SLC24A2: variants seen among roughly 807,000 people sequenced by gnomAD.
SLC24A2 encodes the protein sodium/potassium/calcium exchanger 2.
Under a neutral mutation model 62.0 loss-of-function variants are expected in SLC24A2, and 36 were observed. The ratio of observed to expected loss-of-function variants is 0.58; its 90% CI spans 0.44 to 0.77. SLC24A2 has a LOEUF of 0.77. Among genes scored for constraint, SLC24A2 ranks in the 30% least tolerant of loss-of-function variants. The probability of loss-of-function intolerance (pLI) is 0.00; values close to 1 mark genes in which losing one functional copy is unlikely to be tolerated. For missense variants in SLC24A2, 846 were observed against 817.9 expected, an observed-to-expected ratio of 1.03 and a Z score of -0.42; for synonymous variants, 358 against 294.0, an observed-to-expected ratio of 1.22 and a Z score of -2.23.
intron 7 of SLC24A2, among the ~76,000 whole-genome samples, chr9:19,562,992 G>T (rs1208226688): frequency 6.6e-6 from 1 of 152,126 alleles, no homozygotes; most frequent in East Asian, 1.9e-4. Flanking sequence ...TGTAGTCCTA[G>T]GTACTTGTGA....
chr9:19,628,774 A>G (rs753091650), intron 2 of SLC24A2, among the ~76,000 whole-genome samples: 1 of 152,202 alleles, frequency 6.6e-6, no homozygotes, highest in Non-Finnish European at 1.5e-5. Context: ...AAGAAGAACT[A>G]TCTTAGGCCA....
the SLC24A2 span, among the ~76,000 whole-genome samples, chr9:19,850,677 C>T: frequency 1.3e-5 from 2 of 151,824 alleles, no homozygotes; most frequent in African/African-American, 4.8e-5. Context: ...TATAAATTTG[C>T]ATGATCTGGA....
the SLC24A2 span, among the ~76,000 whole-genome samples, chr9:20,062,217 A>G: frequency 6.6e-6 from 1 of 152,210 alleles, no homozygotes; most frequent in African/African-American, 2.4e-5. Flanking sequence ...TGACAGAGAA[A>G]GACCTTCTCT....
At chr9:20,208,398 T>A in the SLC24A2 span, among the ~76,000 whole-genome samples, 2 of 152,224 alleles carry the variant, frequency 1.3e-5, no homozygotes, top group African/African-American at 4.8e-5. Context: ...TTCATTTTCC[T>A]CTTCTGATAT....
At chr9:19,799,488 C>T in the SLC24A2 span, among the ~76,000 whole-genome samples, 1 of 152,180 alleles carries the variant, frequency 6.6e-6, no homozygotes, top group African/African-American at 2.4e-5. Flanking sequence ...CATGCCTGCA[C>T]TTAGCTCATG....
chr9:19,677,417 G>T (rs964353633), intron 2 of SLC24A2, among the ~76,000 whole-genome samples: 1 of 152,158 alleles, frequency 6.6e-6, no homozygotes, highest in African/African-American at 2.4e-5. Flanking sequence ...ACAACACACA[G>T]TGGGGTCTAT....
chr9:20,243,638 T>A, the SLC24A2 span, among the ~76,000 whole-genome samples: 1 of 152,192 alleles, frequency 6.6e-6, no homozygotes, highest in Non-Finnish European at 1.5e-5. Flanking sequence ...GTTATATATA[T>A]GAACAAAGCA....
rs1664185928 is a variant in SLC24A2 at position 19,508,832 on chromosome 9, A to G, written c.*7321T>C. Reference sequence around the variant, plus strand: ...TATATAAAAATTTGTGATGAAGTTGAAACATTAAAGTTTTTAGTTGTGGGG... The same window carrying G: ...TATATAAAAATTTGTGATGAAGTTGGAACATTAAAGTTTTTAGTTGTGGGG... On this transcript the variant is annotated 3_prime_UTR_variant, in exon 11 of 11. Coordinates refer to ENST00000341998, the MANE Select transcript of SLC24A2 (RefSeq NM_020344.4). 1 of 152,118 alleles carries G rather than the reference A, an allele frequency of 6.6e-6. No individual in the cohort carries two copies. Among genetic ancestry groups the G allele is most frequent in the Non-Finnish European group, 1.5e-5 (1 of 68,020 alleles). The allele number at this position is 152,118 out of a possible 1,614,324, so 9.4% of individuals were successfully genotyped here.
At chr9:19,900,645 G>T in the SLC24A2 span, among the ~76,000 whole-genome samples, 1 of 152,202 alleles carries the variant, frequency 6.6e-6, no homozygotes, top group Non-Finnish European at 1.5e-5. Context: ...AACAAAGTAT[G>T]CAAATAACTT....
At chr9:19,873,003 A>T in the SLC24A2 span, among the ~76,000 whole-genome samples, 1 of 152,202 alleles carries the variant, frequency 6.6e-6, no homozygotes, top group Admixed American at 6.5e-5. Flanking sequence ...TTAGGTAAGA[A>T]GAAGAAGAAT....
chr9:19,838,751 A>G, the SLC24A2 span, among the ~76,000 whole-genome samples: 2 of 151,828 alleles, frequency 1.3e-5, no homozygotes, highest in Non-Finnish European at 2.9e-5. Context: ...ATTGTAAATA[A>G]AATTGTTTTC....
At chr9:19,779,381 T>C (rs572702746) in intron 2 of SLC24A2, among the ~76,000 whole-genome samples, 2 of 152,278 alleles carry the variant, frequency 1.3e-5, no homozygotes, top group South Asian at 2.1e-4. Flanking sequence ...AAATTTCTTA[T>C]AAAGGAGCAA....
chr9:20,133,782 C>A, the SLC24A2 span, among the ~76,000 whole-genome samples: 3 of 152,202 alleles, frequency 2.0e-5, no homozygotes, highest in South Asian at 6.2e-4. Context: ...ATAAAACAAA[C>A]AACTGAACAG....
At chr9:20,008,395 C>A in the SLC24A2 span, among the ~76,000 whole-genome samples, 1 of 152,026 alleles carries the variant, frequency 6.6e-6, no homozygotes, top group African/African-American at 2.4e-5. Flanking sequence ...GACTTCTGTA[C>A]ATGGATATTC....
At chr9:20,047,020 C>A in the SLC24A2 span, among the ~76,000 whole-genome samples, 1 of 152,172 alleles carries the variant, frequency 6.6e-6, no homozygotes, top group Non-Finnish European at 1.5e-5. Flanking sequence ...TATTCCTTTC[C>A]CTAATTATAT....
chr9:19,700,753 A>T (rs1820332619), intron 2 of SLC24A2, among the ~76,000 whole-genome samples: 1 of 152,194 alleles, frequency 6.6e-6, no homozygotes, highest in Non-Finnish European at 1.5e-5. Flanking sequence ...AATGTGCAGA[A>T]CTCAGAACTT....
chr9:20,073,013 T>A, the SLC24A2 span, among the ~76,000 whole-genome samples: 1 of 152,162 alleles, frequency 6.6e-6, no homozygotes, highest in Non-Finnish European at 1.5e-5. Flanking sequence ...ACTCACTAGA[T>A]TAAGATACTA....
intron 5 of SLC24A2, among the ~76,000 whole-genome samples, chr9:19,595,682 A>G (rs762343407): frequency 6.6e-6 from 1 of 152,066 alleles, no homozygotes; most frequent in African/African-American, 2.4e-5. Context: ...CTTGGACAAC[A>G]TTTGCTCAGA....
intron 8 of SLC24A2, among the ~76,000 whole-genome samples, chr9:19,537,229 G>A (rs943415148): frequency 1.4e-5 from 2 of 143,746 alleles, no homozygotes; most frequent in Non-Finnish European, 3.0e-5. Flanking sequence ...TGTCAATTTT[G>A]TCTTTTGTTG....
Sources: allele counts gnomAD v4.1 joint callset (sites outside exome capture counted in the v4.1 genomes callset), GRCh38; gene constraint gnomAD v4.1.1; transcripts MANE v1.5; gene names NCBI Gene and HGNC (gene_info 2026-07-23, HGNC 2026-07-21).